COL12A1: variants seen among roughly 807,000 people sequenced by gnomAD.
COL12A1 encodes collagen alpha-1(XII) chain.
Under a neutral mutation model 349.7 loss-of-function variants are expected in COL12A1, and 114 were observed. That is an observed-to-expected ratio of 0.33 (90% CI 0.28 to 0.38). COL12A1 has a LOEUF of 0.38. COL12A1 is among the 10% of genes least tolerant of loss of function. The probability of loss-of-function intolerance (pLI) is 1.00; values close to 1 mark genes in which losing one functional copy is unlikely to be tolerated. For synonymous variants in COL12A1, 1,369 were observed against 1,329.0 expected (o/e 1.03, Z -0.66); for missense variants, 3,284 against 3,756.9 (o/e 0.87, Z 3.29).
intron 20 of COL12A1, 22 bp from the exon 21 acceptor site, chr6:75,151,309 A>C: frequency 6.3e-7 from 1 of 1,597,246 alleles, no homozygotes; most frequent in Non-Finnish European, 8.5e-7. Flanking sequence ...GATATATACA[A>C]ATTAAAAGCA....
chr6:75,151,727 C>T (rs1053214030), intron 20 of COL12A1, 140 bp downstream of exon 20: 58 of 1,019,524 alleles, frequency 5.7e-5, no homozygotes, highest in Admixed American at 8.3e-5. Context: ...AATTAACTTC[C>T]TGGAACATTA....
Position 75,130,248 on chromosome 6 carries a change from T to C in COL12A1, c.6068-15A>G, listed in dbSNP as rs1040982905. 9.9e-6 allele frequency: 16 copies of C among 1,610,144 alleles called. No individual in the cohort carries two copies. Among genetic ancestry groups the C allele is most frequent in the African/African-American group, 2.7e-5 (2 of 74,544 alleles). ...ACTGCGTGGTACTAAATAAATAAAA[T>C]ACAATAGAGTTTGTTGCCTGCCTGT... On this transcript the variant is annotated splice_polypyrimidine_tract_variant and intron_variant, in intron 36 of 65. Coordinates refer to ENST00000322507, the MANE Select transcript of COL12A1 (RefSeq NM_004370.6).
chr6:75,169,675 C>T (rs1053372148), intron 13 of COL12A1, among the ~76,000 whole-genome samples: 1 of 152,126 alleles, frequency 6.6e-6, no homozygotes, highest in Non-Finnish European at 1.5e-5. Context: ...TGTGTTCTCT[C>T]TATTAATTTT....
chr6:75,135,511 AGGCC>A (rs1388099111), intron 31 of COL12A1, among the ~76,000 whole-genome samples: 1 of 152,204 alleles, frequency 6.6e-6, no homozygotes, highest in East Asian at 1.9e-4. Context: ...TCGTTACTTA[AGGCC>A]ATCTAGCTAT....
rs1185152615 is a variant in COL12A1 at position 75,152,101 on chromosome 6, C to T, written c.3835+30G>A. 9 of 1,613,656 alleles carry T rather than the reference C, an allele frequency of 5.6e-6. No homozygotes were observed. In the South Asian group the frequency reaches 9.9e-5, roughly 18 times the overall value. On this transcript the variant is annotated intron_variant, in intron 19 of 65. Coordinates refer to ENST00000322507, the MANE Select transcript of COL12A1 (RefSeq NM_004370.6). The stretch of plus-strand genomic sequence containing the variant: ...CACAAACCTTAACCAGAAGCATGAG[C>T]TGAAAGACTGTCAGACAGTCCTTAC...
At chr6:75,086,648 GTATATATATATATA>G (rs61611291) in intron 65 of COL12A1, 91 bp from the exon 66 acceptor site, 1 of 288,142 alleles carries the variant, frequency 3.5e-6, no homozygotes, top group Non-Finnish European at 6.5e-6. Context: ...AATGGTTAAA[GTATATATATATATA>G]TATATATATA....
At position 75,113,640 on chromosome 6, in the gene COL12A1, TCTGTGA is replaced by T; in HGVS notation, c.7796_7801del (p.Ile2599_Asp2601delinsAsn). On this transcript the variant is annotated inframe_deletion, in exon 50 of 66. Transcript: ENST00000322507. ...TCCAACTTGTGGTTTGTAGTCTCTG[TCTGTGA>T]TTTGCCAAATTGCAAAAGGGTCACT... 6.2e-7 allele frequency: 1 copy of T among 1,610,786 alleles called. No individual in the cohort carries two copies.
intron 38 of COL12A1, 40 bp from the exon 39 acceptor site, chr6:75,126,510 G>A: frequency 1.3e-6 from 2 of 1,579,106 alleles, no homozygotes; most frequent in South Asian, 2.3e-5. Flanking sequence ...ACCTTTTATT[G>A]GCACACAGGG....
intron 2 of COL12A1, among the ~76,000 whole-genome samples, chr6:75,199,521 G>A (rs1770414960): frequency 6.6e-6 from 1 of 152,096 alleles, no homozygotes. Context: ...CTGTTTTTCA[G>A]AAAACTTGTA....
chr6:75,151,076 A>G, intron 21 of COL12A1, 65 bp downstream of exon 21: 1 of 437,910 alleles, frequency 2.3e-6, no homozygotes, highest in East Asian at 8.1e-5. Context: ...CCCCACCCAA[A>G]AGAATAATTA....
intron 11 of COL12A1, among the ~76,000 whole-genome samples, chr6:75,179,905 T>G (rs1029991233): frequency 6.6e-6 from 1 of 152,226 alleles, no homozygotes; most frequent in Non-Finnish European, 1.5e-5. Context: ...AAACAAATAC[T>G]GCTTAAAACA....
chr6:75,189,741 T>C lies in COL12A1; in HGVS notation c.469A>G (p.Lys157Glu), dbSNP rs373002461. The C allele has an allele frequency of 7.3e-5, 118 of 1,613,164 alleles. No individual in the cohort carries two copies. Among genetic ancestry groups the C allele is most frequent in the Non-Finnish European group, 9.9e-5 (117 of 1,179,394 alleles). ...GSWSVGRNNF[K>E]YILDFIAALV... Reference sequence around the variant, plus strand: ...GCAGCAATGAAGTCTAAAATGTACTTGAAATTATTTCTTCCCACACTCCAA... The same window carrying C: ...GCAGCAATGAAGTCTAAAATGTACTCGAAATTATTTCTTCCCACACTCCAA... The change falls in exon 6 of 66, where the codon AAG becomes GAG. Residue 157 changes from lysine (K) to glutamate (E), a missense_variant. Physicochemically the swap from Lys to Glu is moderately conservative, Grantham distance 56 (BLOSUM62 1). Around this residue, in one of 2 missense-constraint regions of COL12A1, gnomAD observed 2,601 missense variants for 2,824.8 expected, o/e 0.92. Transcript: ENST00000322507.
chr6:75,127,161 CACTTTGATA>C (rs1247081187), intron 38 of COL12A1, among the ~76,000 whole-genome samples: 1 of 151,978 alleles, frequency 6.6e-6, no homozygotes, highest in African/African-American at 2.4e-5. Context: ...AAAAAAAATC[CACTTTGATA>C]GCATGAAATT....
chr6:75,147,246 C>T (rs1767240962), intron 23 of COL12A1, among the ~76,000 whole-genome samples: 1 of 152,214 alleles, frequency 6.6e-6, no homozygotes, highest in Non-Finnish European at 1.5e-5. Context: ...TCCCACTCCC[C>T]ACATGGTATC....
chr6:75,183,297 G>T lies in COL12A1; in HGVS notation c.1644C>A (p.Ile548=), dbSNP rs147111006. 3.2e-4 allele frequency: 520 copies of T among 1,614,180 alleles called. No homozygotes were observed. The highest frequency in any genetic ancestry group is 4.2e-4 in the Non-Finnish European group (493 of 1,180,022). The part of the protein sequence containing the change: ...RSNVPKVMIL[I]TDGKSSDAFR... ...AAGCATCTGATGATTTCCCATCCGT[G>T]ATAAGAATCATGACCTTTGGCACAT... Residue 548 remains isoleucine (I), a synonymous_variant, in exon 10 of 66, where the codon ATC becomes ATA. Coordinates refer to ENST00000322507, the MANE Select transcript of COL12A1 (RefSeq NM_004370.6).
chr6:75,121,599 G>A (rs529439678), intron 43 of COL12A1, among the ~76,000 whole-genome samples, 158 bp from the exon 44 acceptor site: 65 of 152,316 alleles, frequency 4.3e-4, no homozygotes, highest in Admixed American at 1.0e-3. Flanking sequence ...CAGAATCTTG[G>A]GTCCTACCCC....
In COL12A1 at chr6:75,189,267, T is replaced by G; in HGVS notation, c.773A>C (p.Glu258Ala). 2 of 1,613,150 alleles carry G rather than the reference T, an allele frequency of 1.2e-6. No individual in the cohort carries two copies. The highest frequency in any genetic ancestry group is 1.7e-6 in the Non-Finnish European group (2 of 1,179,440). The change falls in exon 7 of 66, where the codon GAA (glutamate) becomes GCA (alanine). Residue 258 changes from glutamate (E) to alanine (A), a missense_variant. Physicochemically the swap from Glu to Ala is moderately radical, Grantham distance 107. Transcript: ENST00000322507. Reference sequence around the variant, plus strand: ...ATTACGAAGCTCTCTTGCTGGAATTTCCACTTCATCCTGGGATTTTCCATC... The same window carrying G: ...ATTACGAAGCTCTCTTGCTGGAATTGCCACTTCATCCTGGGATTTTCCATC... The part of the protein sequence containing the change: ...ITDGKSQDEV[E>A]IPARELRNVG...
intron 11 of COL12A1, among the ~76,000 whole-genome samples, chr6:75,178,312 T>G (rs1769085519): frequency 6.6e-6 from 1 of 152,218 alleles, no homozygotes; most frequent in African/African-American, 2.4e-5. Context: ...TCACTCTTAC[T>G]ACATTTTCTC....
Position 75,132,104 on chromosome 6 carries a change from T to A in COL12A1, c.5795-22A>T, listed in dbSNP as rs199826848. 17 of 1,612,436 alleles carry A rather than the reference T, an allele frequency of 1.1e-5. 1 individual carries two copies. In the Admixed American group the frequency reaches 1.8e-4, roughly 17 times the overall value. Reference sequence around the variant, plus strand: ...ATCACTGAGGAAATGAAGGCCAACATCTATTTTTTAAGTCTGTTTATATAT... The same window carrying A: ...ATCACTGAGGAAATGAAGGCCAACAACTATTTTTTAAGTCTGTTTATATAT... On this transcript the variant is annotated intron_variant, in intron 34 of 65. Transcript: ENST00000322507.
Sources: allele counts gnomAD v4.1 joint callset (sites outside exome capture counted in the v4.1 genomes callset), GRCh38; gene constraint gnomAD v4.1.1; regional missense constraint gnomAD v4.1.1; transcripts MANE v1.5; gene names NCBI Gene and HGNC (gene_info 2026-07-23, HGNC 2026-07-21).